Variants in NAV2 observed in about 807,000 individuals in gnomAD.
The protein encoded by NAV2 is helicase, APC down-regulated 1.
A neutral mutation model predicts 223.2 loss-of-function variants in NAV2; 54 were observed. The observed-to-expected ratio is 0.24, with a 90% CI of 0.19 to 0.30. The LOEUF (loss-of-function observed/expected upper bound fraction) is 0.30. NAV2 is among the 10% of genes least tolerant of loss of function. The pLI is 1.00. For missense variants in NAV2, 2,806 were observed against 3,147.5 expected (o/e 0.89, Z 2.60); for synonymous variants, 1,279 against 1,239.3 (o/e 1.03, Z -0.67).
At chr11:19,508,146 G>C (rs2043177403) in intron 1 of NAV2, among the ~76,000 whole-genome samples, 1 of 152,082 alleles carries the variant, frequency 6.6e-6, no homozygotes. Flanking sequence ...TGCTGATGGG[G>C]GCTGCTCTGT....
chr11:19,792,903 GT>G (rs2057623614), intron 1 of NAV2, among the ~76,000 whole-genome samples: 1 of 149,826 alleles, frequency 6.7e-6, no homozygotes. Context: ...TCAGTTTTGA[GT>G]GAGCCATTAA....
chr11:20,114,751 ACAAG>A lies in NAV2; in HGVS notation c.7127_7130del (p.Lys2376ArgfsTer12). On this transcript the variant is annotated frameshift_variant, in exon 37 of 38. Coordinates refer to ENST00000349880, the MANE Select transcript of NAV2 (RefSeq NM_145117.5). LOFTEE classifies it high-confidence loss of function. ...CTACTCCATGCCTCGGGAGGGATCG[ACAAG>A]CAAGCAGATGCCCCCCAGTGATGCT... 1 of 1,614,008 alleles carries A rather than the reference ACAAG, an allele frequency of 6.2e-7. No individual in the cohort carries two copies. The highest frequency in any genetic ancestry group is 8.5e-7 in the Non-Finnish European group (1 of 1,179,996).
chr11:20,046,395 C>G (rs1050713930), intron 14 of NAV2, among the ~76,000 whole-genome samples: 12 of 152,042 alleles, frequency 7.9e-5, no homozygotes, highest in African/African-American at 2.9e-4. Flanking sequence ...TTGATACACC[C>G]TTGGACCTAG....
At chr11:19,477,537 T>C (rs2042155400) in intron 1 of NAV2, among the ~76,000 whole-genome samples, 1 of 152,210 alleles carries the variant, frequency 6.6e-6, no homozygotes, top group Non-Finnish European at 1.5e-5. Context: ...GTGGTCTATA[T>C]GGTCTTGGTC....
chr11:19,510,475 C>G (rs970010473), intron 1 of NAV2, among the ~76,000 whole-genome samples: 5 of 152,196 alleles, frequency 3.3e-5, no homozygotes, highest in Admixed American at 3.3e-4. Context: ...TTATCATTAG[C>G]CAGGCTCTGT....
intron 1 of NAV2, among the ~76,000 whole-genome samples, chr11:19,569,567 T>TTC (rs953579852): frequency 1.1e-4 from 16 of 151,664 alleles, no homozygotes; most frequent in Admixed American, 9.9e-4. Context: ...TGGCAGCTGT[T>TTC]TCTCTCTCTC....
At position 20,097,646 on chromosome 11, in the gene NAV2, A is replaced by C. The variant is rs1420099202; in HGVS notation, c.6082A>C (p.Ile2028Leu). ...LNSDSVLGYSIGEIKRSNTSE... is the reference protein window; with the variant it reads ...LNSDSVLGYSLGEIKRSNTSE... ...TTCAGACAGCGTTCTTGGCTACAGCATTGGAGAAATCAAGCGCAGCAACAC... is the reference window on the plus strand; with the variant it reads ...TTCAGACAGCGTTCTTGGCTACAGCCTTGGAGAAATCAAGCGCAGCAACAC... The change falls in exon 31 of 38, where the codon ATT (isoleucine) becomes CTT (leucine). Residue 2028 changes from isoleucine to leucine, a missense_variant. Physicochemically the swap from Ile to Leu is conservative, Grantham distance 5. Around this residue, in one of 4 missense-constraint regions of NAV2, gnomAD observed 824 missense variants for 1,069.4 expected, o/e 0.77. Coordinates refer to ENST00000349880, the MANE Select transcript of NAV2 (RefSeq NM_145117.5). 1 of 1,613,678 alleles carries C rather than the reference A, an allele frequency of 6.2e-7. No individual in the cohort carries two copies. The highest frequency in any genetic ancestry group is 8.5e-7 in the Non-Finnish European group (1 of 1,179,960).
intron 1 of NAV2, among the ~76,000 whole-genome samples, chr11:19,525,213 C>T (rs2043806091): frequency 6.6e-6 from 1 of 152,108 alleles, no homozygotes; most frequent in Non-Finnish European, 1.5e-5. Flanking sequence ...GAAACTGGGC[C>T]CCAGAGAGGT....
intron 1 of NAV2, among the ~76,000 whole-genome samples, chr11:19,526,712 A>G (rs1314163648): frequency 2.0e-5 from 3 of 152,028 alleles, no homozygotes; most frequent in African/African-American, 7.2e-5. Context: ...CAGTCCCCTG[A>G]CCTGGCTGAT....
chr11:20,093,266 C>T (rs2060987582), intron 29 of NAV2, 67 bp downstream of exon 29: 2 of 1,064,944 alleles, frequency 1.9e-6, no homozygotes, highest in Admixed American at 3.5e-5. Context: ...GCTTAGTGAT[C>T]TAATTGTAAA....
intron 10 of NAV2, among the ~76,000 whole-genome samples, chr11:19,976,794 G>A (rs867982353): frequency 6.6e-6 from 1 of 152,216 alleles, no homozygotes. Context: ...TCTCCTGGGG[G>A]ATGGCTCGTG....
chr11:19,770,924 G>T (rs1250656632), intron 1 of NAV2, among the ~76,000 whole-genome samples: 1 of 152,110 alleles, frequency 6.6e-6, no homozygotes, highest in Non-Finnish European at 1.5e-5. Flanking sequence ...TCTTCGTGAG[G>T]TCTCACTCAA....
chr11:19,503,159 G>T (rs2043012172), intron 1 of NAV2: 1 of 152,116 alleles, frequency 6.6e-6, no homozygotes, highest in Non-Finnish European at 1.5e-5. Flanking sequence ...GAGCAATTTT[G>T]GATTTACAGT....
chr11:19,688,623 G>A (rs1163206665), intron 1 of NAV2, among the ~76,000 whole-genome samples: 1 of 152,238 alleles, frequency 6.6e-6, no homozygotes, highest in Non-Finnish European at 1.5e-5. Context: ...CTATCAGGAA[G>A]CTTTGGATGG....
intron 25 of NAV2, among the ~76,000 whole-genome samples, chr11:20,081,419 G>A (rs374632636): frequency 4.6e-5 from 7 of 152,136 alleles, no homozygotes; most frequent in Admixed American, 2.6e-4. Flanking sequence ...GAAATAAAAC[G>A]TGCTTATGTT....
rs752631285 is a variant in NAV2, at chr11:20,097,594, C to T, written c.6030C>T (p.Val2010=). 3.8e-6 allele frequency: 6 copies of T among 1,596,848 alleles called. No homozygotes were observed. Among genetic ancestry groups the T allele is most frequent in the African/African-American group, 1.4e-5 (1 of 73,848 alleles). ...TTTTCCAGGAATACATCATTCATGT[C>T]GACCCAGTGAGTCAGCTAGGGCTGA... ...RRLFKEYIIH[V]DPVSQLGLNS... The change falls in exon 31 of 38, where the codon GTC becomes GTT. Residue 2010 remains valine, a synonymous_variant. Transcript: ENST00000349880.
intron 1 of NAV2, among the ~76,000 whole-genome samples, chr11:19,400,541 C>T (rs539484383): frequency 3.3e-5 from 5 of 152,334 alleles, no homozygotes; most frequent in Non-Finnish European, 7.3e-5. Flanking sequence ...TTAGCATCAA[C>T]TCTGGCTAAT....
At position 19,998,692 on chromosome 11, in the gene NAV2, A is replaced by G. The variant is rs2052207048; in HGVS notation, c.2768+14445A>G. Among the ~76,000 whole-genome samples the G allele has an allele frequency of 1.4e-5, 2 of 142,512 alleles. No homozygotes were observed. Among genetic ancestry groups the G allele is most frequent in the Non-Finnish European group, 3.1e-5 (2 of 63,530 alleles). The allele number at this position is 142,512 out of a possible 152,430, so 93.5% of individuals were successfully genotyped here. A position where few individuals can be genotyped will look rare whatever the true frequency, so the allele number is the denominator to read the frequency against. ...GCTTTGCACATACTGTCCCCTCTGC[A>G]TAGACTGTGCTTCCCCCCCTCTCTC... On this transcript the variant is annotated intron_variant, in intron 11 of 37. Coordinates refer to ENST00000349880, the MANE Select transcript of NAV2 (RefSeq NM_145117.5). The surrounding 1 kb of genome is among the most constrained non-coding windows in gnomAD (Gnocchi z 5.0).
At chr11:19,619,461 G>A (rs1312559741) in intron 1 of NAV2, among the ~76,000 whole-genome samples, 1 of 152,170 alleles carries the variant, frequency 6.6e-6, no homozygotes, top group Non-Finnish European at 1.5e-5. Flanking sequence ...TCTAACTGGT[G>A]TGAGATGGTA....
Sources: gnomAD v4.1 joint callset for allele counts (sites outside exome capture counted in the v4.1 genomes callset) on GRCh38, gnomAD v4.1.1 for gene constraint, gnomAD v4.1.1 regional missense constraint, Gnocchi (gnomAD v3.1) non-coding constraint, MANE v1.5 for transcripts, NCBI Gene and HGNC (gene_info 2026-07-23, HGNC 2026-07-21) for gene names.